RBFOX1: variants seen among roughly 807,000 people sequenced by gnomAD.
RBFOX1 encodes RNA binding fox-1 homolog 1.
A neutral mutation model predicts 57.7 loss-of-function variants in RBFOX1; 8 were observed. The ratio of observed to expected loss-of-function variants is 0.14; its 90% CI spans 0.08 to 0.25. The LOEUF is 0.25. RBFOX1 is among the 10% of genes least tolerant of loss of function. RBFOX1 has a pLI of 1.00. For synonymous variants in RBFOX1, 326 were observed against 222.4 expected (o/e 1.47, Z -4.15); for missense variants, 611 against 548.5 (o/e 1.11, Z -1.14).
intron 10 of RBFOX1, among the ~76,000 whole-genome samples, chr16:7,616,985 A>T (rs947369958): frequency 6.8e-6 from 1 of 147,842 alleles, no homozygotes; most frequent in Non-Finnish European, 1.5e-5. Context: ...TCCCTGCACA[A>T]CCATTAAAAA....
intron 4 of RBFOX1, among the ~76,000 whole-genome samples, chr16:5,971,144 A>T (rs955197886): frequency 6.6e-6 from 1 of 152,216 alleles, no homozygotes; most frequent in East Asian, 1.9e-4. Flanking sequence ...AGGATCTACT[A>T]TGTGCTAGGC....
chr16:7,221,365 T>TAA (rs2092716857), intron 4 of RBFOX1, among the ~76,000 whole-genome samples: 2 of 148,934 alleles, frequency 1.3e-5, no homozygotes, highest in East Asian at 3.9e-4. Flanking sequence ...ATTTATTTAT[T>TAA]TTTTTATTTA....
At position 7,190,347 on chromosome 16, in the gene RBFOX1, T is replaced by A. The variant is rs2085066178; in HGVS notation, c.27+138249T>A. Among the ~76,000 whole-genome samples the A allele has an allele frequency of 2.0e-5, 3 of 152,062 alleles. No individual in the cohort carries two copies. In the South Asian group the frequency reaches 6.2e-4, roughly 31 times the overall value. On this transcript the variant is annotated intron_variant, in intron 4 of 15. Coordinates refer to ENST00000550418, the MANE Select transcript of RBFOX1 (RefSeq NM_018723.4). Reference sequence around the variant, plus strand: ...GTACTCCAGCCTGGGTGACAGAGACTCCGCCTCAAACATAAATAAAATAAA... The same window carrying A: ...GTACTCCAGCCTGGGTGACAGAGACACCGCCTCAAACATAAATAAAATAAA...
chr16:5,492,891 C>G (rs1330217716), intron 2 of RBFOX1, among the ~76,000 whole-genome samples: 3 of 152,214 alleles, frequency 2.0e-5, no homozygotes, highest in Admixed American at 1.3e-4. Flanking sequence ...GGAAATCTGA[C>G]TATGATGTTC....
chr16:6,921,792 A>G (rs2153455417), intron 3 of RBFOX1, among the ~76,000 whole-genome samples: 1 of 152,054 alleles, frequency 6.6e-6, no homozygotes, highest in East Asian at 1.9e-4. Context: ...ATATGCACAC[A>G]CACATGAACA....
Position 7,676,824 on chromosome 16 carries a change from T to A in RBFOX1, c.981T>A (p.Ala327=). The A allele has an allele frequency of 1.2e-6, 2 of 1,613,006 alleles. No homozygotes were observed. The highest frequency in any genetic ancestry group is 1.7e-6 in the Non-Finnish European group (2 of 1,179,098). Reference sequence around the variant, plus strand: ...CCCAGCCTACCCCTGCCACTGCCGCTGCCTACAGTGACAGGTAAGGGTCAT... The same window carrying A: ...CCCAGCCTACCCCTGCCACTGCCGCAGCCTACAGTGACAGGTAAGGGTCAT... ...RYAQPTPATA[A]AYSDSYGRVY... The change falls in exon 14 of 16, where the codon GCT becomes GCA. Residue 327 remains alanine (A), a synonymous_variant. Coordinates refer to ENST00000550418, the MANE Select transcript of RBFOX1 (RefSeq NM_018723.4).
At chr16:7,704,557 C>T (rs558839812) in intron 14 of RBFOX1, among the ~76,000 whole-genome samples, 36 of 152,304 alleles carry the variant, frequency 2.4e-4, no homozygotes, top group Non-Finnish European at 3.5e-4. Flanking sequence ...ACTCCTTTGT[C>T]TTGCTGCCTC....
chr16:5,854,821 C>T (rs573636404), intron 3 of RBFOX1, among the ~76,000 whole-genome samples: 2 of 152,264 alleles, frequency 1.3e-5, no homozygotes, highest in South Asian at 4.1e-4. Context: ...CATAATGGCT[C>T]TATCAATTTA....
At chr16:7,053,847 T>C (rs2050955765) in intron 4 of RBFOX1, among the ~76,000 whole-genome samples, 1 of 152,184 alleles carries the variant, frequency 6.6e-6, no homozygotes. Flanking sequence ...TTGTTACTTT[T>C]ATGGTCACTG....
At chr16:5,826,618 G>A (rs933585252) in intron 3 of RBFOX1, among the ~76,000 whole-genome samples, 3 of 152,176 alleles carry the variant, frequency 2.0e-5, no homozygotes, top group Non-Finnish European at 4.4e-5. Context: ...TTGGCTTGCA[G>A]GCAATAGTTT....
intron 3 of RBFOX1, among the ~76,000 whole-genome samples, chr16:7,010,449 C>T (rs905192476): frequency 5.9e-5 from 9 of 152,074 alleles, no homozygotes; most frequent in African/African-American, 2.2e-4. Flanking sequence ...TTGACCGAGT[C>T]CGTGAGCATC....
chr16:7,633,055 C>T (rs2061238130), intron 11 of RBFOX1, among the ~76,000 whole-genome samples: 1 of 152,120 alleles, frequency 6.6e-6, no homozygotes, highest in Admixed American at 6.5e-5. Flanking sequence ...GCGAGGGCCA[C>T]CCAAGCCAGC....
intron 4 of RBFOX1, among the ~76,000 whole-genome samples, chr16:7,154,681 TC>T (rs1450365000): frequency 5.6e-5 from 8 of 142,006 alleles, no homozygotes; most frequent in African/African-American, 2.2e-4. Context: ...TAGACCCTCT[TC>T]CTTTGTGTGT....
At chr16:5,911,486 T>C (rs1214018446) in intron 4 of RBFOX1, among the ~76,000 whole-genome samples, 1 of 152,178 alleles carries the variant, frequency 6.6e-6, no homozygotes, top group Non-Finnish European at 1.5e-5. Flanking sequence ...GTTTATTTTC[T>C]TTACTAACAG....
chr16:6,110,075 T>C (rs1426003015), intron 1 of RBFOX1, among the ~76,000 whole-genome samples: 2 of 152,182 alleles, frequency 1.3e-5, no homozygotes, highest in Non-Finnish European at 2.9e-5. Context: ...ACCAAGGATT[T>C]AAACAATTAA....
At chr16:5,244,254 T>A (rs1341101254) in intron 1 of RBFOX1, among the ~76,000 whole-genome samples, 1 of 152,232 alleles carries the variant, frequency 6.6e-6, no homozygotes, top group Non-Finnish European at 1.5e-5. Flanking sequence ...TCTTTACATT[T>A]GGCTTGTCTA....
At chr16:6,113,585 C>T (rs987963732) in intron 1 of RBFOX1, among the ~76,000 whole-genome samples, 27 of 152,126 alleles carry the variant, frequency 1.8e-4, no homozygotes, top group African/African-American at 5.8e-4. Context: ...TGCCTGTCTC[C>T]GCATTTGTTG....
At chr16:6,340,572 C>G (rs2084412039) in intron 2 of RBFOX1, among the ~76,000 whole-genome samples, 1 of 152,196 alleles carries the variant, frequency 6.6e-6, no homozygotes, top group Non-Finnish European at 1.5e-5. Context: ...TGTAGGGTAA[C>G]TTCCTGACGT....
At chr16:6,128,877 A>G (rs949674666) in intron 1 of RBFOX1, among the ~76,000 whole-genome samples, 1 of 152,210 alleles carries the variant, frequency 6.6e-6, no homozygotes, top group Admixed American at 6.5e-5. Context: ...TGGAAACCCC[A>G]GAATGCCCAT....
Sources: allele counts gnomAD v4.1 joint callset (sites outside exome capture counted in the v4.1 genomes callset), GRCh38; gene constraint gnomAD v4.1.1; transcripts MANE v1.5; gene names NCBI Gene and HGNC (gene_info 2026-07-23, HGNC 2026-07-21).